RBMS1: variants seen among roughly 807,000 people sequenced by gnomAD.
The protein encoded by RBMS1 is RNA-binding motif, single-stranded-interacting protein 1.
A neutral mutation model predicts 62.3 loss-of-function variants in RBMS1; 17 were observed. The ratio of observed to expected loss-of-function variants is 0.27; its 90% CI spans 0.19 to 0.41. The LOEUF is 0.41. Among genes scored for constraint, RBMS1 ranks in the 10% least tolerant of loss-of-function variants. The probability of loss-of-function intolerance (pLI) is 1.00; values close to 1 mark genes in which losing one functional copy is unlikely to be tolerated. For synonymous variants in RBMS1, 172 were observed against 170.0 expected, an observed-to-expected ratio of 1.01 and a Z score of -0.09; for missense variants, 334 against 504.5, an observed-to-expected ratio of 0.66 and a Z score of 3.24.
chr2:160,420,485 G>C (rs554592232), intron 1 of RBMS1, among the ~76,000 whole-genome samples: 33 of 152,246 alleles, frequency 2.2e-4, no homozygotes, highest in African/African-American at 7.7e-4. Context: ...CCAGCTCAGT[G>C]TCTTTACATT....
intron 6 of RBMS1, among the ~76,000 whole-genome samples, chr2:160,290,207 C>CAG (rs1187466958): frequency 1.3e-5 from 2 of 150,206 alleles, no homozygotes; most frequent in African/African-American, 4.9e-5. Flanking sequence ...TCCTATGTGA[C>CAG]AGTAGCTTGT....
At position 160,377,033 on chromosome 2, in the gene RBMS1, T is replaced by C. The variant is rs150960877; in HGVS notation, c.76-9642A>G. On this transcript the variant is annotated intron_variant, in intron 1 of 13. Transcript: ENST00000348849. ...TCATGTTTGTGTGTGTGAATAAAGATAGAGGGGAAGAGATGGCTGTCTCTA... is the reference window on the plus strand; with the variant it reads ...TCATGTTTGTGTGTGTGAATAAAGACAGAGGGGAAGAGATGGCTGTCTCTA... Among the ~76,000 whole-genome samples the C allele has an allele frequency of 2.9e-3, 440 of 152,034 alleles. 6 individuals are homozygous for C. Among genetic ancestry groups the C allele is most frequent in the African/African-American group, 9.7e-3 (404 of 41,484 alleles).
At chr2:160,308,151 T>C (rs1434199911) in intron 4 of RBMS1, among the ~76,000 whole-genome samples, 4 of 152,164 alleles carry the variant, frequency 2.6e-5, no homozygotes, top group African/African-American at 4.8e-5. Flanking sequence ...TGGCTCATGC[T>C]TACAATCCTA....
chr2:160,421,660 C>T (rs1574037483), intron 1 of RBMS1, among the ~76,000 whole-genome samples: 2 of 152,268 alleles, frequency 1.3e-5, no homozygotes, highest in South Asian at 2.1e-4. Flanking sequence ...TGGGTATATA[C>T]CCAGTAATGG....
At chr2:160,415,936 A>T (rs1696192005) in intron 1 of RBMS1, among the ~76,000 whole-genome samples, 1 of 152,026 alleles carries the variant, frequency 6.6e-6, no homozygotes, top group Non-Finnish European at 1.5e-5. Context: ...GGTTCAAATA[A>T]GAAGATATGG....
At chr2:160,367,582 A>T in intron 1 of RBMS1, 191 bp from the exon 2 acceptor site, 1 of 1,081,386 alleles carries the variant, frequency 9.2e-7, no homozygotes, top group South Asian at 2.1e-5. Flanking sequence ...AATTGATAAT[A>T]GGGTTTACTA....
intron 1 of RBMS1, among the ~76,000 whole-genome samples, chr2:160,391,951 C>T (rs1044521820): frequency 1.3e-5 from 2 of 148,500 alleles, no homozygotes; most frequent in East Asian, 1.9e-4. Context: ...CAGAGGGAGA[C>T]TCCATCTCCA....
At chr2:160,281,617 GA>G in intron 9 of RBMS1, 23 of 352,458 alleles carry the variant, frequency 6.5e-5, no homozygotes, top group Middle Eastern at 7.8e-4. Context: ...GCAACAAAGA[GA>G]AAAAGGCGAA....
At chr2:160,486,658 A>G (rs906507751) in intron 1 of RBMS1, among the ~76,000 whole-genome samples, 1 of 152,200 alleles carries the variant, frequency 6.6e-6, no homozygotes, top group East Asian at 1.9e-4. Flanking sequence ...GCAGAGGTGA[A>G]TATCTTATTT....
chr2:160,343,499 T>C (rs1049465648), intron 2 of RBMS1, among the ~76,000 whole-genome samples: 22 of 152,136 alleles, frequency 1.4e-4, no homozygotes, highest in African/African-American at 4.6e-4. Flanking sequence ...GTTTCATTAT[T>C]AAGCCTATCG....
chr2:160,359,029 T>C (rs1298359188), intron 2 of RBMS1, among the ~76,000 whole-genome samples: 1 of 152,178 alleles, frequency 6.6e-6, no homozygotes, highest in East Asian at 1.9e-4. Context: ...TGAGATGTAG[T>C]AGCTACCAAA....
At chr2:160,364,251 ATCT>A (rs1460352753) in intron 2 of RBMS1, among the ~76,000 whole-genome samples, 1 of 152,230 alleles carries the variant, frequency 6.6e-6, no homozygotes, top group Non-Finnish European at 1.5e-5. Flanking sequence ...CTGTACTGAT[ATCT>A]TCTTTGTGAA....
intron 2 of RBMS1, among the ~76,000 whole-genome samples, chr2:160,339,845 T>C (rs1691775725): frequency 6.6e-6 from 1 of 152,196 alleles, no homozygotes; most frequent in African/African-American, 2.4e-5. Context: ...CATTGATGTT[T>C]AGATCATTAC....
chr2:160,359,219 C>T (rs967822095), intron 2 of RBMS1, among the ~76,000 whole-genome samples: 46 of 152,266 alleles, frequency 3.0e-4, no homozygotes, highest in African/African-American at 1.1e-3. Flanking sequence ...TAACCCTACA[C>T]GAAGAGCTTC....
intron 1 of RBMS1, among the ~76,000 whole-genome samples, chr2:160,479,270 G>A (rs1685266233): frequency 6.6e-6 from 1 of 152,238 alleles, no homozygotes; most frequent in African/African-American, 2.4e-5. Context: ...ATAGGCCAGG[G>A]GCCATGGAGG....
At chr2:160,347,920 C>T (rs553367190) in intron 2 of RBMS1, among the ~76,000 whole-genome samples, 1 of 152,050 alleles carries the variant, frequency 6.6e-6, no homozygotes, top group Admixed American at 6.6e-5. Flanking sequence ...AATTCAGAGT[C>T]CATGATTGAG....
chr2:160,303,595 T>C, intron 4 of RBMS1, 108 bp from the exon 5 acceptor site: 1 of 1,254,578 alleles, frequency 8.0e-7, no homozygotes. Flanking sequence ...CCTTTTAAAG[T>C]ACTCAGAACC....
intron 1 of RBMS1, among the ~76,000 whole-genome samples, chr2:160,477,120 C>CA (rs1466359508): frequency 6.6e-6 from 1 of 152,112 alleles, no homozygotes; most frequent in Non-Finnish European, 1.5e-5. Flanking sequence ...AAGCAGTCTC[C>CA]ATTTTTTAAG....
At chr2:160,384,071 C>T (rs1694438213) in intron 1 of RBMS1, among the ~76,000 whole-genome samples, 1 of 152,172 alleles carries the variant, frequency 6.6e-6, no homozygotes, top group African/African-American at 2.4e-5. Context: ...GTGGCAGGTG[C>T]CTGTAGTCCC....
Sources: allele counts gnomAD v4.1 joint callset (sites outside exome capture counted in the v4.1 genomes callset), GRCh38; gene constraint gnomAD v4.1.1; transcripts MANE v1.5; gene names NCBI Gene and HGNC (gene_info 2026-07-23, HGNC 2026-07-21).